Variants in RAD9B observed in about 807,000 individuals in gnomAD.
RAD9B encodes the protein RAD9 checkpoint clamp component B, also known as cell cycle checkpoint control protein RAD9B.
RAD9B carries 41 observed loss-of-function variants against 48.3 expected under a neutral mutation model. The observed-to-expected ratio is 0.85, with a 90% CI of 0.66 to 1.10. The LOEUF (loss-of-function observed/expected upper bound fraction) is 1.10, where lower values mean the gene tolerates loss of function less well. RAD9B is among the 50% of genes least tolerant of loss of function. The pLI is 0.00. For synonymous variants in RAD9B, 160 were observed against 157.9 expected, an observed-to-expected ratio of 1.01 and a Z score of -0.10; for missense variants, 444 against 485.1, an observed-to-expected ratio of 0.92 and a Z score of 0.80.
At position 110,531,651 on chromosome 12, in the gene RAD9B, G is replaced by A. The variant is rs765790449; in HGVS notation, c.*998G>A. Reference sequence around the variant, plus strand: ...CTGACATAGAACAGTATCCTCCACTGCCAAGACAGCCTGAGTTTGGAGTGG... The same window carrying A: ...CTGACATAGAACAGTATCCTCCACTACCAAGACAGCCTGAGTTTGGAGTGG... On this transcript the variant is annotated 3_prime_UTR_variant, in exon 11 of 11. Transcript: ENST00000409300. 2.1e-5 allele frequency: 33 copies of A among 1,605,446 alleles called. No homozygotes were observed. Among genetic ancestry groups the A allele is most frequent in the Non-Finnish European group, 2.5e-5 (29 of 1,176,678 alleles).
chr12:110,530,621 G>A lies in RAD9B; in HGVS notation c.1222G>A (p.Asp408Asn), dbSNP rs2064111389. ...GGCAAGAGCAAGTGACAGTGAAGAGGACATGAATAATGGCAGTTTCTCTAT... is the reference window on the plus strand; with the variant it reads ...GGCAAGAGCAAGTGACAGTGAAGAGAACATGAATAATGGCAGTTTCTCTAT... ...SLARASDSEE[D>N]MNNGSFSIF Residue 408 changes from aspartate (D) to asparagine (N), a missense_variant, in exon 11 of 11, where the codon GAC becomes AAC. By Grantham distance (23) the Asp-to-Asn change is conservative. Transcript: ENST00000409300. 2 of 1,613,870 alleles carry A rather than the reference G, an allele frequency of 1.2e-6. No individual in the cohort carries two copies. Among genetic ancestry groups the A allele is most frequent in the Non-Finnish European group, 1.7e-6 (2 of 1,179,856 alleles).
chr12:110,503,564 T>C (rs933154448), intron 1 of RAD9B: 8 of 481,092 alleles, frequency 1.7e-5, no homozygotes, highest in African/African-American at 1.4e-4. Flanking sequence ...ACTGTAAACA[T>C]ATAGAAGGAC....
At chr12:110,505,880 T>C in intron 3 of RAD9B, 108 bp downstream of exon 3, 1 of 821,926 alleles carries the variant, frequency 1.2e-6, no homozygotes, top group Non-Finnish European at 1.8e-6. Context: ...AGGACAAATC[T>C]GTTCATTATT....
intron 4 of RAD9B, among the ~76,000 whole-genome samples, chr12:110,509,632 G>A (rs1222810000): frequency 1.3e-5 from 2 of 152,174 alleles, no homozygotes; most frequent in African/African-American, 4.8e-5. Context: ...AGGGTGTCTA[G>A]TGTGTGCTTA....
chr12:110,533,027 T>C lies in RAD9B; in HGVS notation c.*2374T>C, dbSNP rs946169996. Among the ~76,000 whole-genome samples the C allele has an allele frequency of 7.9e-5, 12 of 152,214 alleles. No homozygotes were observed. Among genetic ancestry groups the C allele is most frequent in the Non-Finnish European group, 1.5e-4 (10 of 68,038 alleles). ...TGCAAAGCCTCAGCTGGGAAAAAGT[T>C]CTATAATTTACATTTAATTGTCCGT... On this transcript the variant is annotated 3_prime_UTR_variant, in exon 11 of 11. Transcript: ENST00000409300.
intron 10 of RAD9B, among the ~76,000 whole-genome samples, chr12:110,525,936 C>T (rs929160252): frequency 2.6e-5 from 4 of 152,124 alleles, no homozygotes; most frequent in Admixed American, 1.3e-4. Context: ...GTGATCCACC[C>T]GCCTTGGCCT....
At chr12:110,520,886 T>A (rs1482895227) in intron 9 of RAD9B, among the ~76,000 whole-genome samples, 1 of 150,890 alleles carries the variant, frequency 6.6e-6, no homozygotes, top group East Asian at 2.0e-4. Context: ...CCTGACCTTG[T>A]GATCTGCCCG....
intron 6 of RAD9B, among the ~76,000 whole-genome samples, chr12:110,517,476 T>C (rs1433530186): frequency 6.6e-6 from 1 of 151,716 alleles, no homozygotes; most frequent in Non-Finnish European, 1.5e-5. Context: ...AATACAAAAT[T>C]AGCTGGACGT....
At chr12:110,519,955 G>A (rs200956588) in intron 9 of RAD9B, 39 bp downstream of exon 9, 158 of 1,588,412 alleles carry the variant, frequency 9.9e-5, no homozygotes, top group Middle Eastern at 3.3e-4. Flanking sequence ...CTTGGGACAA[G>A]CCATCATAAT....
chr12:110,522,040 G>A, intron 9 of RAD9B, 137 bp from the exon 10 acceptor site: 2 of 606,298 alleles, frequency 3.3e-6, no homozygotes, highest in Admixed American at 3.2e-5. Flanking sequence ...ATTTTAACTT[G>A]CAACAATTTA....
In RAD9B at chr12:110,522,226, C is replaced by G. The variant is rs973986721; in HGVS notation, c.940C>G (p.Leu314Val). The G allele has an allele frequency of 5.0e-6, 8 of 1,606,292 alleles. No individual in the cohort carries two copies. In the Middle Eastern group the frequency reaches 9.9e-4, roughly 198 times the overall value. Residue 314 changes from leucine (L) to valine (V), a missense_variant, in exon 10 of 11, where the codon CTG (leucine) becomes GTG (valine). Coordinates refer to ENST00000409300, the MANE Select transcript of RAD9B (RefSeq NM_001286535.2). ...TGGCAAAAATGTAACTGGCCAGGCC[C>G]TGGAATGTATTTCAAAAAAAGCAGC... is the stretch of plus-strand genomic sequence containing the variant. ...KAGKNVTGQALECISKKAAPR... is the reference protein window; with the variant it reads ...KAGKNVTGQAVECISKKAAPR...
rs146447508 is a variant in RAD9B at position 110,512,655 on chromosome 12, A to G, written c.389-124A>G. On this transcript the variant is annotated intron_variant, in intron 4 of 10. Transcript: ENST00000409300. ...TTAAGGAATAGTGCTTCTCCAAGGT[A>G]TATGCACTTGCCAGATAGTAAATGT... is the stretch of plus-strand genomic sequence containing the variant. The G allele has an allele frequency of 2.9e-4, 168 of 578,560 alleles. No homozygotes were observed. In the East Asian group the frequency reaches 4.9e-3, roughly 17 times the overall value. 35.8% of individuals were successfully genotyped at this position (578,560 alleles called of 1,614,324 possible).
intron 4 of RAD9B, 131 bp from the exon 5 acceptor site, chr12:110,512,648 C>T: frequency 1.8e-6 from 1 of 561,646 alleles, no homozygotes; most frequent in East Asian, 3.0e-5. Context: ...TAGTGCTTCT[C>T]CAAGGTATAT....
rs746964755 is a variant in RAD9B, at chr12:110,502,386, G to C, written c.46+3G>C. On this transcript the variant is annotated splice_donor_region_variant and intron_variant, in intron 1 of 10. Transcript: ENST00000409300. ...GATGAGCGGCAGTCAGGTGAAAGGT[G>C]GAGCGGCCTTTGTTGTCTTCCCATT... 1 of 1,613,674 alleles carries C rather than the reference G, an allele frequency of 6.2e-7. No individual in the cohort carries two copies. The highest frequency in any genetic ancestry group is 8.5e-7 in the Non-Finnish European group (1 of 1,179,766).
chr12:110,528,168 A>G (rs760871173), intron 10 of RAD9B, among the ~76,000 whole-genome samples: 2 of 152,174 alleles, frequency 1.3e-5, no homozygotes, highest in East Asian at 3.9e-4. Flanking sequence ...TGAAAGTGTT[A>G]TATGAAAAAC....
chr12:110,515,450 C>T (rs544248666), intron 6 of RAD9B, among the ~76,000 whole-genome samples: 6 of 152,112 alleles, frequency 3.9e-5, no homozygotes, highest in Non-Finnish European at 7.4e-5. Context: ...TACCTGAGGT[C>T]GGGAGTTCGA....
At chr12:110,512,702 C>A in intron 4 of RAD9B, 77 bp from the exon 5 acceptor site, 1 of 656,358 alleles carries the variant, frequency 1.5e-6, no homozygotes, top group Non-Finnish European at 2.6e-6. Context: ...TTTAATTTGG[C>A]TGTGAAACTT....
At chr12:110,517,633 A>C (rs2063642331) in intron 6 of RAD9B, among the ~76,000 whole-genome samples, 1 of 151,852 alleles carries the variant, frequency 6.6e-6, no homozygotes, top group Non-Finnish European at 1.5e-5. Flanking sequence ...CAAAAAAAAA[A>C]TAATAAAAAC....
In RAD9B at chr12:110,531,721, G is replaced by A; in HGVS notation, c.*1068G>A. On this transcript the variant is annotated 3_prime_UTR_variant, in exon 11 of 11. Coordinates refer to ENST00000409300, the MANE Select transcript of RAD9B (RefSeq NM_001286535.2). ...GTCTCTGTTCTTTGGCCCTTTAAGA[G>A]TTAGCTTTTTACCTGCACAAATGGA... is the stretch of plus-strand genomic sequence containing the variant. 1 of 1,292,124 alleles carries A rather than the reference G, an allele frequency of 7.7e-7. No homozygotes were observed. Among genetic ancestry groups the A allele is most frequent in the Non-Finnish European group, 1.1e-6 (1 of 926,524 alleles). The allele number at this position is 1,292,124 out of a possible 1,614,324, so 80.0% of individuals were successfully genotyped here. A position where few individuals can be genotyped will look rare whatever the true frequency, so the allele number is the denominator to read the frequency against.
Sources: gnomAD v4.1 joint callset for allele counts (sites outside exome capture counted in the v4.1 genomes callset) on GRCh38, gnomAD v4.1.1 for gene constraint, MANE v1.5 for transcripts, NCBI Gene and HGNC (gene_info 2026-07-23, HGNC 2026-07-21) for gene names.